Variants in CREBBP observed in about 807,000 individuals in gnomAD.
CREBBP encodes the protein CREB-binding protein.
In CREBBP, 19 loss-of-function variants were observed where a neutral mutation model predicts 265.0. That is an observed-to-expected ratio of 0.07 (90% CI 0.05 to 0.11). The LOEUF (loss-of-function observed/expected upper bound fraction) is 0.11, where lower values mean the gene tolerates loss of function less well. Ranked by LOEUF, CREBBP falls within the 10% of genes least tolerant of loss-of-function variation. The pLI is 1.00. For missense variants in CREBBP, 2,525 were observed against 3,219.0 expected, an observed-to-expected ratio of 0.78 and a Z score of 5.22; for synonymous variants, 1,457 against 1,223.7, an observed-to-expected ratio of 1.19 and a Z score of -3.98.
chr16:3,753,020 G>T (rs939182768), intron 19 of CREBBP, among the ~76,000 whole-genome samples: 1 of 152,190 alleles, frequency 6.6e-6, no homozygotes, highest in African/African-American at 2.4e-5. Flanking sequence ...TCACACAAGC[G>T]AGAAGAATGA....
chr16:3,772,972 C>G (rs935047137), intron 13 of CREBBP, among the ~76,000 whole-genome samples: 4 of 150,340 alleles, frequency 2.7e-5, no homozygotes, highest in Admixed American at 6.6e-5. Context: ...TCTGTAACCC[C>G]AGGTACTTGG....
In CREBBP at chr16:3,725,328, T is replaced by C. The variant is rs1053422306; in HGVS notation, c.*2390A>G. 32 of 233,058 alleles carry C rather than the reference T, an allele frequency of 1.4e-4. No homozygotes were observed. Among genetic ancestry groups the C allele is most frequent in the Middle Eastern group, 1.2e-3 (1 of 806 alleles). 14.4% of individuals were successfully genotyped at this position (233,058 alleles called of 1,614,324 possible). The stretch of plus-strand genomic sequence containing the variant: ...CTCCAAAGAGGATGAGGTTGGTACA[T>C]AACGTTTTGAATTCCAGGATAACCT... On this transcript the variant is annotated 3_prime_UTR_variant, in exon 31 of 31. Coordinates refer to ENST00000262367, the MANE Select transcript of CREBBP (RefSeq NM_004380.3).
chr16:3,816,577 T>C (rs1031847678), intron 2 of CREBBP, among the ~76,000 whole-genome samples: 4 of 152,142 alleles, frequency 2.6e-5, no homozygotes, highest in African/African-American at 9.7e-5. Flanking sequence ...CTGAACTGTC[T>C]GGCAAGTAGG....
intron 2 of CREBBP, among the ~76,000 whole-genome samples, chr16:3,820,740 G>A (rs915798381): frequency 2.0e-5 from 3 of 152,160 alleles, no homozygotes; most frequent in African/African-American, 7.2e-5. Flanking sequence ...TGTGCTTGTA[G>A]TCCCAGCTAT....
At chr16:3,828,068 T>C (rs1328076994) in intron 2 of CREBBP, among the ~76,000 whole-genome samples, 3 of 152,118 alleles carry the variant, frequency 2.0e-5, no homozygotes, top group Non-Finnish European at 4.4e-5. Flanking sequence ...CACATTTTTC[T>C]AGCCAGAAAA....
intron 8 of CREBBP, among the ~76,000 whole-genome samples, chr16:3,779,767 G>GA (rs1003320083): frequency 1.8e-4 from 28 of 152,162 alleles, no homozygotes; most frequent in African/African-American, 6.0e-4. Context: ...ATAAGGAAGG[G>GA]AAAAAACTCA....
intron 24 of CREBBP, 119 bp from the exon 25 acceptor site, chr16:3,739,843 C>T: frequency 1.4e-6 from 2 of 1,430,462 alleles, no homozygotes; most frequent in Non-Finnish European, 1.9e-6. Context: ...TGGCCACCTC[C>T]TCAGACCGTG....
At chr16:3,743,784 A>C (rs944399463) in intron 23 of CREBBP, 46 of 149,558 alleles carry the variant, frequency 3.1e-4, no homozygotes, top group African/African-American at 1.1e-3. Context: ...ATGTGGTCTT[A>C]AAAAAAAAAG....
intron 26 of CREBBP, among the ~76,000 whole-genome samples, chr16:3,737,216 G>C (rs556713425): frequency 2.6e-5 from 4 of 152,200 alleles, no homozygotes; most frequent in South Asian, 2.1e-4. Flanking sequence ...TTCTGTTCAA[G>C]ACACTTTGAT....
At chr16:3,782,361 G>A (rs1163604767) in intron 6 of CREBBP, among the ~76,000 whole-genome samples, 1 of 152,188 alleles carries the variant, frequency 6.6e-6, no homozygotes, top group Non-Finnish European at 1.5e-5. Flanking sequence ...AATGACAACA[G>A]TCAGCATGAG....
rs2051851471 is a variant in CREBBP, at chr16:3,729,451, G to A, written c.5596C>T (p.Arg1866Cys). The change falls in exon 31 of 31, where the codon CGC becomes TGC. Residue 1866 changes from arginine to cysteine, a missense_variant. Coordinates refer to ENST00000262367, the MANE Select transcript of CREBBP (RefSeq NM_004380.3). Reference protein sequence around the residue: ...QHRLQQAQLMRRRMATMNTRN... With the variant: ...QHRLQQAQLMCRRMATMNTRN... ...GTGTTCATGGTGGCCATCCGCCGGCGCATGAGCTGGGCCTGCTGCAGGCGG... is the reference window on the plus strand; with the variant it reads ...GTGTTCATGGTGGCCATCCGCCGGCACATGAGCTGGGCCTGCTGCAGGCGG... 5 of 1,613,932 alleles carry A rather than the reference G, an allele frequency of 3.1e-6. No individual in the cohort carries two copies. Among genetic ancestry groups the A allele is most frequent in the Non-Finnish European group, 4.2e-6 (5 of 1,180,012 alleles).
At chr16:3,781,023 A>G (rs2053262027) in intron 7 of CREBBP, 145 bp from the exon 8 acceptor site, 1 of 1,135,742 alleles carries the variant, frequency 8.8e-7, no homozygotes, top group Non-Finnish European at 1.3e-6. Flanking sequence ...AACTTAAACT[A>G]TGTTTTAATC....
intron 16 of CREBBP, among the ~76,000 whole-genome samples, chr16:3,763,189 C>T (rs1170976378): frequency 6.8e-6 from 1 of 147,460 alleles, no homozygotes; most frequent in Non-Finnish European, 1.5e-5. Context: ...TTTTTTGAGA[C>T]GAGGTCTTCT....
At position 3,850,414 on chromosome 16, in the gene CREBBP, A is replaced by G. The variant is rs201193684; in HGVS notation, c.681T>C (p.Pro227=). The change falls in exon 2 of 31, where the codon CCT becomes CCC. Residue 227 remains proline (P), a synonymous_variant. Coordinates refer to ENST00000262367, the MANE Select transcript of CREBBP (RefSeq NM_004380.3). The part of the protein sequence containing the change: ...GRGRGAGMPY[P]TPAMQGASSS... ...TCGAGGCGCCCTGCATGGCTGGAGT[A>G]GGGTACGGCATTCCAGCTCCCCTTC... 197 of 1,614,220 alleles carry G rather than the reference A, an allele frequency of 1.2e-4. 2 individuals are homozygous for G. In the East Asian group the frequency reaches 3.9e-3, roughly 32 times the overall value.
At chr16:3,802,465 T>C (rs964065274) in intron 3 of CREBBP, among the ~76,000 whole-genome samples, 1 of 152,092 alleles carries the variant, frequency 6.6e-6, no homozygotes, top group Non-Finnish European at 1.5e-5. Context: ...CTAACATGCA[T>C]TTTTATTAGG....
intron 1 of CREBBP, among the ~76,000 whole-genome samples, chr16:3,871,717 GGGA>G (rs1567379404): frequency 6.6e-6 from 1 of 152,154 alleles, no homozygotes; most frequent in Admixed American, 6.5e-5. Context: ...CCAAACTAGG[GGGA>G]GGAGAAGCAG....
At chr16:3,879,712 C>T in intron 1 of CREBBP, 120 bp downstream of exon 1, 2 of 1,069,048 alleles carry the variant, frequency 1.9e-6, no homozygotes, top group South Asian at 1.3e-5. Context: ...GAACGGGCTG[C>T]GGGGCCTGCT....
intron 1 of CREBBP, among the ~76,000 whole-genome samples, chr16:3,871,343 C>G (rs2055295875): frequency 6.6e-6 from 1 of 152,180 alleles, no homozygotes; most frequent in Non-Finnish European, 1.5e-5. Flanking sequence ...GCTCCCTCCT[C>G]AGCACCACAC....
At chr16:3,819,259 C>G (rs1370671657) in intron 2 of CREBBP, among the ~76,000 whole-genome samples, 1 of 152,260 alleles carries the variant, frequency 6.6e-6, no homozygotes, top group Non-Finnish European at 1.5e-5. Context: ...TAGGGATTTA[C>G]TTAAACCTCT....
Sources: allele counts gnomAD v4.1 joint callset (sites outside exome capture counted in the v4.1 genomes callset), GRCh38; gene constraint gnomAD v4.1.1; transcripts MANE v1.5; gene names NCBI Gene and HGNC (gene_info 2026-07-23, HGNC 2026-07-21).